The following GRTP1 variants were observed in gnomAD, a reference collection of about 807,000 sequenced individuals.
GRTP1 encodes growth hormone-regulated TBC protein 1.
Under a neutral mutation model 38.1 loss-of-function variants are expected in GRTP1, and 56 were observed. The ratio of observed to expected loss-of-function variants is 1.47; its 90% CI spans 1.19 to 1.84. The LOEUF is 1.84. GRTP1 is among the 40% of genes most tolerant of loss of function. GRTP1 has a pLI of 0.00. For missense variants in GRTP1, 506 were observed against 453.9 expected, an observed-to-expected ratio of 1.11 and a Z score of -1.04; for synonymous variants, 217 against 189.5, an observed-to-expected ratio of 1.14 and a Z score of -1.19.
intron 5 of GRTP1, among the ~76,000 whole-genome samples, chr13:113,327,429 C>T (rs1043501713): frequency 3.9e-5 from 6 of 152,076 alleles, no homozygotes; most frequent in East Asian, 1.9e-4. Flanking sequence ...CTGCCCGCCT[C>T]GGCCTCCAAA....
rs778849035 is a variant in GRTP1, at chr13:113,355,282, C to T, written c.340+41G>A. 8 of 1,599,044 alleles carry T rather than the reference C, an allele frequency of 5.0e-6. No individual in the cohort carries two copies. In the African/African-American group the frequency reaches 1.1e-4, roughly 21 times the overall value. On this transcript the variant is annotated intron_variant, in intron 3 of 7. Coordinates refer to ENST00000375431, the MANE Select transcript of GRTP1 (RefSeq NM_024719.4). The stretch of plus-strand genomic sequence containing the variant: ...CTGGGTGGAAACCGGTTCCTTCCGG[C>T]CCCCGGGCCCTGCACCAGAGCTCGA...
chr13:113,346,186 C>A (rs2043118967), intron 4 of GRTP1, among the ~76,000 whole-genome samples: 1 of 142,654 alleles, frequency 7.0e-6, no homozygotes, highest in Non-Finnish European at 1.5e-5. Flanking sequence ...GGGAGGACCT[C>A]TGTGGCTGAG....
At chr13:113,340,885 C>T (rs1340150937) in intron 5 of GRTP1, among the ~76,000 whole-genome samples, 1 of 152,154 alleles carries the variant, frequency 6.6e-6, no homozygotes, top group Non-Finnish European at 1.5e-5. Context: ...TCCATGCACA[C>T]ACCCATCAGA....
Position 113,350,282 on chromosome 13 carries a change from G to A in GRTP1, c.465+567C>T, listed in dbSNP as rs111555020. 9.0e-4 allele frequency among the ~76,000 whole-genome samples: 137 copies of A among 152,162 alleles called. 3 individuals carry two copies. Among genetic ancestry groups the A allele is most frequent in the African/African-American group, 3.1e-3 (128 of 41,496 alleles). ...ATATGCGCCCAGCTAGGTGGCCTCC[G>A]GGAGGCGCAAGGACTCTCCCAACTG... On this transcript the variant is annotated intron_variant, in intron 4 of 7. Coordinates refer to ENST00000375431, the MANE Select transcript of GRTP1 (RefSeq NM_024719.4).
intron 5 of GRTP1, among the ~76,000 whole-genome samples, chr13:113,328,629 C>T (rs187247385): frequency 6.6e-6 from 1 of 152,334 alleles, no homozygotes; most frequent in East Asian, 1.9e-4. Context: ...AAGTGATCCC[C>T]CTGCCTCAGC....
intron 5 of GRTP1, among the ~76,000 whole-genome samples, chr13:113,334,625 G>C (rs1050677042): frequency 6.6e-6 from 1 of 152,016 alleles, no homozygotes; most frequent in Non-Finnish European, 1.5e-5. Flanking sequence ...AAAAAAGCAC[G>C]TAATCCTTCA....
intron 4 of GRTP1, 54 bp from the exon 5 acceptor site, chr13:113,345,013 G>T: frequency 6.4e-7 from 1 of 1,555,126 alleles, no homozygotes; most frequent in South Asian, 1.2e-5. Flanking sequence ...GCCCCCATTT[G>T]ATTCTGCAAT....
At position 113,343,380 on chromosome 13, in the gene GRTP1, C is replaced by G. The variant is rs9604075; in HGVS notation, c.562+1483G>C. Among the ~76,000 whole-genome samples the G allele has an allele frequency of 0.17, 26,598 of 152,082 alleles. 2,670 individuals are homozygous for G. The highest frequency in any genetic ancestry group is 0.27 in the East Asian group (1,388 of 5,148). ...CCCCAGCCGGGTCAACAGCTCTTCC[C>G]ACTCCCGGGAGCTCTGTGGGGTTCC... On this transcript the variant is annotated intron_variant, in intron 5 of 7. Coordinates refer to ENST00000375431, the MANE Select transcript of GRTP1 (RefSeq NM_024719.4). The surrounding 1 kb of genome is among the most constrained non-coding windows in gnomAD (Gnocchi z 4.8).
Position 113,325,768 on chromosome 13 carries a change from G to A in GRTP1, c.814C>T (p.Gln272Ter). 6.2e-7 allele frequency: 1 copy of A among 1,614,200 alleles called. No individual in the cohort carries two copies. Among genetic ancestry groups the A allele is most frequent in the African/African-American group, 1.3e-5 (1 of 75,066 alleles). The change falls in exon 7 of 8, where the codon CAG becomes TAG. Residue 272 changes from glutamine (Q) to a stop codon, truncating the protein, a stop_gained. Coordinates refer to ENST00000375431, the MANE Select transcript of GRTP1 (RefSeq NM_024719.4). LOFTEE classifies it high-confidence loss of function. Reference sequence around the variant, plus strand: ...GCTTCCAAAATCAACTCCTGGTGCTGCTTAATTAAGGTCAGGGCCACCCGG... The same window carrying A: ...GCTTCCAAAATCAACTCCTGGTGCTACTTAATTAAGGTCAGGGCCACCCGG... ...IFRVALTLIK[Q>*]HQELILEATS... is the part of the protein sequence containing the mutation.
chr13:113,332,343 C>T (rs1416312014), intron 5 of GRTP1, among the ~76,000 whole-genome samples: 3 of 98,294 alleles, frequency 3.1e-5, no homozygotes, highest in African/African-American at 9.3e-5. Context: ...CACACGCACG[C>T]CACACACAGG....
chr13:113,363,239 G>A (rs137891233), intron 2 of GRTP1, among the ~76,000 whole-genome samples: 2 of 152,146 alleles, frequency 1.3e-5, no homozygotes, highest in Non-Finnish European at 2.9e-5. Flanking sequence ...ACGGAGTCTC[G>A]CTCTGTCGCC....
At chr13:113,346,016 C>CA (rs2043102692) in intron 4 of GRTP1, among the ~76,000 whole-genome samples, 3 of 91,304 alleles carry the variant, frequency 3.3e-5, no homozygotes, top group East Asian at 3.3e-4. Context: ...ACCTCTGCGG[C>CA]TGAGCAGACC....
rs959057785 is a variant in GRTP1, at chr13:113,343,366, T to G, written c.562+1497A>C. Among the ~76,000 whole-genome samples the G allele has an allele frequency of 1.3e-5, 2 of 152,062 alleles. No homozygotes were observed. Among genetic ancestry groups the G allele is most frequent in the Non-Finnish European group, 2.9e-5 (2 of 67,994 alleles). On this transcript the variant is annotated intron_variant, in intron 5 of 7. Transcript: ENST00000375431. This position sits in a 1 kb window ranked among gnomAD's most constrained non-coding sequence, Gnocchi z 4.8. The stretch of plus-strand genomic sequence containing the variant: ...ACTGGGTCCCTGGGCCCCAGCCGGG[T>G]CAACAGCTCTTCCCACTCCCGGGAG...
intron 2 of GRTP1, among the ~76,000 whole-genome samples, chr13:113,356,740 G>A (rs2043394804): frequency 6.6e-6 from 1 of 152,134 alleles, no homozygotes; most frequent in South Asian, 2.1e-4. Context: ...GTCAAGAAAA[G>A]CACTATAGGG....
In GRTP1 at chr13:113,338,340, G is replaced by A. The variant is rs151283930; in HGVS notation, c.562+6523C>T. On this transcript the variant is annotated intron_variant, in intron 5 of 7. Transcript: ENST00000375431. ...CTGCGTGTGGATGGTCACAGGCCAC[G>A]GGGAGCGTGTCCTCAGGTCACTTCC... is the stretch of plus-strand genomic sequence containing the variant. Among the ~76,000 whole-genome samples, 1,038 of 152,306 alleles carry A rather than the reference G, an allele frequency of 6.8e-3. 14 individuals carry two copies. The highest frequency in any genetic ancestry group is 0.024 in the African/African-American group (981 of 41,566).
chr13:113,346,013 CGGCTG>C (rs2043102513), intron 4 of GRTP1, among the ~76,000 whole-genome samples: 6 of 81,596 alleles, frequency 7.4e-5, no homozygotes, highest in Admixed American at 2.4e-4. Context: ...AGGACCTCTG[CGGCTG>C]AGCAGACCTG....
At chr13:113,346,589 C>T (rs377414967) in intron 4 of GRTP1, among the ~76,000 whole-genome samples, 3 of 10,118 alleles carry the variant, frequency 3.0e-4, no homozygotes, top group African/African-American at 3.4e-4. Context: ...CGAGAACAGA[C>T]CCGGGAGGAC....
At chr13:113,352,323 T>TATTTATATATA (rs1491551911) in intron 3 of GRTP1, among the ~76,000 whole-genome samples, 1 of 59,888 alleles carries the variant, frequency 1.7e-5, no homozygotes, top group South Asian at 5.4e-4. Flanking sequence ...TTTATATATA[T>TATTTATATATA]TTTTATATAT....
At position 113,363,914 on chromosome 13, in the gene GRTP1, C is replaced by T. The variant is rs200366209; in HGVS notation, c.33-4G>A. ...CTCGAATCCGTACGGGTCGATCCTG[C>T]AAAACCGAGAGAAGGAGGCCGGCGT... is the stretch of plus-strand genomic sequence containing the variant. On this transcript the variant is annotated splice_polypyrimidine_tract_variant and splice_region_variant and intron_variant, in intron 1 of 7. Coordinates refer to ENST00000375431, the MANE Select transcript of GRTP1 (RefSeq NM_024719.4). 4.4e-6 allele frequency: 7 copies of T among 1,609,148 alleles called. No homozygotes were observed. Among genetic ancestry groups the T allele is most frequent in the Middle Eastern group, 1.7e-4 (1 of 6,038 alleles).
Sources: gnomAD v4.1 joint callset for allele counts (sites outside exome capture counted in the v4.1 genomes callset) on GRCh38, gnomAD v4.1.1 for gene constraint, Gnocchi (gnomAD v3.1) non-coding constraint, MANE v1.5 for transcripts, NCBI Gene and HGNC (gene_info 2026-07-23, HGNC 2026-07-21) for gene names.